PGPEP1: variants seen among roughly 807,000 people sequenced by gnomAD.
PGPEP1 encodes pyroglutamyl-peptidase 1.
Under a neutral mutation model 24.1 loss-of-function variants are expected in PGPEP1, and 15 were observed. That is an observed-to-expected ratio of 0.62 (90% CI 0.42 to 0.96). PGPEP1 has a LOEUF of 0.96. Among genes scored for constraint, PGPEP1 ranks in the 40% least tolerant of loss-of-function variants. The pLI, the probability that PGPEP1 is intolerant of heterozygous loss-of-function variation, is 0.00. For synonymous variants in PGPEP1, 122 were observed against 116.4 expected (o/e 1.05, Z -0.31); for missense variants, 242 against 273.4 (o/e 0.89, Z 0.81).
At chr19:18,342,752 G>A (rs541296186) in intron 1 of PGPEP1, 107 bp from the exon 2 acceptor site, 20 of 845,142 alleles carry the variant, frequency 2.4e-5, no homozygotes, top group African/African-American at 2.0e-4. Context: ...TGGCAGCTGC[G>A]CCCTGAAGCT....
chr19:18,359,391 C>A (rs1971278797), intron 4 of PGPEP1, among the ~76,000 whole-genome samples: 1 of 152,132 alleles, frequency 6.6e-6, no homozygotes, highest in Non-Finnish European at 1.5e-5. Flanking sequence ...ACTCCAGACA[C>A]ATGAACCAGC....
intron 2 of PGPEP1, among the ~76,000 whole-genome samples, chr19:18,344,437 C>T (rs1006873822): frequency 2.0e-5 from 3 of 152,128 alleles, no homozygotes; most frequent in Non-Finnish European, 4.4e-5. Context: ...TATGAGCTGC[C>T]TGATTTAAAG....
At chr19:18,344,893 C>T (rs10415319) in intron 2 of PGPEP1, among the ~76,000 whole-genome samples, 38,516 of 151,966 alleles carry the variant, frequency 0.25, 5,320 homozygotes, top group Non-Finnish European at 0.27. Context: ...CTCCGAGCTT[C>T]GGGGCTTCTC....
rs80154549 is a variant in PGPEP1 at position 18,359,336 on chromosome 19, C to T, written c.437+1721C>T. Among the ~76,000 whole-genome samples the T allele has an allele frequency of 5.9e-3, 899 of 152,122 alleles. 11 individuals are homozygous for T. The highest frequency in any genetic ancestry group is 0.02 in the East Asian group (104 of 5,172). On this transcript the variant is annotated intron_variant, in intron 4 of 4. Transcript: ENST00000269919. ...AAAATTCCAACCCTGGCCCTTGGCC[C>T]GCCTCTCCACCCCGCTCTGCCTCTA...
At position 18,356,069 on chromosome 19, in the gene PGPEP1, A is replaced by G. The variant is rs766671488; in HGVS notation, c.204+58A>G. ...CAGGACTTACAGGTTGGCACCCTTC[A>G]TGTGGAGGACTTAGGTGGCTTTGGT... On this transcript the variant is annotated intron_variant, in intron 3 of 4. Transcript: ENST00000269919. 2.8e-5 allele frequency: 29 copies of G among 1,040,904 alleles called. 1 individual carries two copies. The Middle Eastern group carries it at 6.1e-4, about 22-fold the overall frequency. 64.5% of individuals were successfully genotyped at this position (1,040,904 alleles called of 1,614,324 possible). A position where few individuals can be genotyped will look rare whatever the true frequency, so the allele number is the denominator to read the frequency against.
Position 18,365,581 on chromosome 19 carries a change from T to G in PGPEP1, c.*1998T>G, listed in dbSNP as rs892739865. The G allele has an allele frequency of 6.6e-6, 1 of 152,310 alleles. No homozygotes were observed. The highest frequency in any genetic ancestry group is 2.4e-5 in the African/African-American group (1 of 41,458). The allele number at this position is 152,310 out of a possible 1,614,324, so 9.4% of individuals were successfully genotyped here. On this transcript the variant is annotated 3_prime_UTR_variant, in exon 5 of 5. Transcript: ENST00000269919. Reference sequence around the variant, plus strand: ...TGGTCTCGAACTCCTGGACTCAAACTGATCCTCCTTTCTCGGCCTCCCAAA... The same window carrying G: ...TGGTCTCGAACTCCTGGACTCAAACGGATCCTCCTTTCTCGGCCTCCCAAA...
intron 2 of PGPEP1, among the ~76,000 whole-genome samples, chr19:18,345,626 A>G (rs1970812421): frequency 6.6e-6 from 1 of 150,882 alleles, no homozygotes; most frequent in Admixed American, 6.6e-5. Flanking sequence ...TCGGGAGGCT[A>G]ATATGGGAGG....
chr19:18,355,375 C>T (rs1314972950), intron 2 of PGPEP1, among the ~76,000 whole-genome samples: 1 of 152,126 alleles, frequency 6.6e-6, no homozygotes. Flanking sequence ...ATTCTCCTGC[C>T]TCAGCCTCCT....
chr19:18,355,827 C>T lies in PGPEP1; in HGVS notation c.88-68C>T, dbSNP rs906737135. The T allele has an allele frequency of 9.1e-6, 9 of 984,260 alleles. No individual in the cohort carries two copies. In the African/African-American group the frequency reaches 1.4e-4, roughly 16 times the overall value. 61.0% of individuals were successfully genotyped at this position (984,260 alleles called of 1,614,324 possible). ...TGGAGAACGCCTGTTTGTTTCACCC[C>T]CCAGAGAGCGCATTATCCCCATAGC... On this transcript the variant is annotated intron_variant, in intron 2 of 4. Transcript: ENST00000269919.
intron 4 of PGPEP1, among the ~76,000 whole-genome samples, chr19:18,362,632 G>A (rs1971375181): frequency 1.3e-5 from 2 of 151,152 alleles, no homozygotes; most frequent in Non-Finnish European, 2.9e-5. Context: ...GGAGGCTGAA[G>A]CAGGAGAATC....
In PGPEP1 at chr19:18,357,431, G is replaced by C; in HGVS notation, c.253G>C (p.Glu85Gln). ...AGGCATGGCGACCACAGTCACACTG[G>C]AGAAATGTGGACACAACAAGGGCTA... Reference protein sequence around the residue: ...VSGMATTVTLEKCGHNKGYKG... With the variant: ...VSGMATTVTLQKCGHNKGYKG... Residue 85 changes from glutamate to glutamine, a missense_variant, in exon 4 of 5, where the codon GAG becomes CAG. Transcript: ENST00000269919. 1 of 1,614,062 alleles carries C rather than the reference G, an allele frequency of 6.2e-7. No homozygotes were observed. The highest frequency in any genetic ancestry group is 8.5e-7 in the Non-Finnish European group (1 of 1,179,988).
chr19:18,363,033 TTGTG>T (rs201259409), intron 4 of PGPEP1, among the ~76,000 whole-genome samples: 5,519 of 136,690 alleles, frequency 0.04, 158 homozygotes, highest in African/African-American at 0.092. Flanking sequence ...TTTTTTTTGT[TTGTG>T]TGTGTGTGTG....
intron 3 of PGPEP1, among the ~76,000 whole-genome samples, chr19:18,356,512 C>T (rs12983532): frequency 0.25 from 38,009 of 151,428 alleles, 5,089 homozygotes; most frequent in East Asian, 0.41. Flanking sequence ...TTTGGAAGGC[C>T]GAGGCAGGAG....
chr19:18,365,170 A>G lies in PGPEP1; in HGVS notation c.*1587A>G, dbSNP rs1478677551. On this transcript the variant is annotated 3_prime_UTR_variant, in exon 5 of 5. Transcript: ENST00000269919. ...CCTCAGATGATGTAAGTTCAGCCAC[A>G]TCTTGCTGCCCATTAGGGAGAGAGG... 6.6e-6 allele frequency: 1 copy of G among 152,172 alleles called. No individual in the cohort carries two copies. Among genetic ancestry groups the G allele is most frequent in the East Asian group, 1.9e-4 (1 of 5,198 alleles). The allele number at this position is 152,172 out of a possible 1,614,324, so 9.4% of individuals were successfully genotyped here.
chr19:18,357,567 C>T lies in PGPEP1; in HGVS notation c.389C>T (p.Thr130Ile). 6.2e-7 allele frequency: 1 copy of T among 1,612,574 alleles called. No individual in the cohort carries two copies. Among genetic ancestry groups the T allele is most frequent in the Non-Finnish European group, 8.5e-7 (1 of 1,179,374 alleles). The change falls in exon 4 of 5, where the codon ACC (threonine) becomes ATC (isoleucine). Residue 130 changes from threonine to isoleucine, a missense_variant. By Grantham distance (89) the Thr-to-Ile change is moderately conservative (BLOSUM62 -1). Transcript: ENST00000269919. ...IDMDAVCKRV[T>I]TLGLDVSVTI... ...ATGGATGCTGTGTGCAAGCGAGTCA[C>T]CACGTTGGGCCTGGATGTGTCGGTG...
At chr19:18,350,958 A>AGCAG (rs1971001499) in intron 2 of PGPEP1, among the ~76,000 whole-genome samples, 1 of 151,058 alleles carries the variant, frequency 6.6e-6, no homozygotes, top group African/African-American at 2.4e-5. Flanking sequence ...TGAATGGAAA[A>AGCAG]GCAGCAGTAA....
intron 1 of PGPEP1, 98 bp from the exon 2 acceptor site, chr19:18,342,761 C>T (rs1970708176): frequency 1.1e-6 from 1 of 927,302 alleles, no homozygotes; most frequent in African/African-American, 1.6e-5. Flanking sequence ...CGCCCTGAAG[C>T]TCCTTTCTTG....
At chr19:18,362,622 G>A (rs1568319092) in intron 4 of PGPEP1, among the ~76,000 whole-genome samples, 1 of 151,782 alleles carries the variant, frequency 6.6e-6, no homozygotes, top group Non-Finnish European at 1.5e-5. Context: ...CAGCTACTCG[G>A]GAGGCTGAAG....
At chr19:18,344,330 G>T (rs1555709491) in intron 2 of PGPEP1, among the ~76,000 whole-genome samples, 1 of 152,092 alleles carries the variant, frequency 6.6e-6, no homozygotes, top group Non-Finnish European at 1.5e-5. Context: ...GTAGGGACAG[G>T]CTGGGGAGCA....
Sources: gnomAD v4.1 joint callset for allele counts (sites outside exome capture counted in the v4.1 genomes callset) on GRCh38, gnomAD v4.1.1 for gene constraint, MANE v1.5 for transcripts, NCBI Gene and HGNC (gene_info 2026-07-23, HGNC 2026-07-21) for gene names.